Variants in ZNF84 observed in about 807,000 individuals in gnomAD.
ZNF84 encodes zinc finger protein HPF2.
In ZNF84, 12 loss-of-function variants were observed where a neutral mutation model predicts 14.8. The ratio of observed to expected loss-of-function variants is 0.81; its 90% CI spans 0.52 to 1.31. The LOEUF is 1.31. ZNF84 is among the 50% of genes most tolerant of loss of function. The pLI, the probability that ZNF84 is intolerant of heterozygous loss-of-function variation, is 0.00. For missense variants in ZNF84, 859 were observed against 878.6 expected, an observed-to-expected ratio of 0.98 and a Z score of 0.28; for synonymous variants, 347 against 291.1, an observed-to-expected ratio of 1.19 and a Z score of -1.96.
rs1214508426 is a variant in ZNF84 at position 133,057,526 on chromosome 12, G to A, written c.811G>A (p.Ala271Thr). 3 of 1,614,202 alleles carry A rather than the reference G, an allele frequency of 1.9e-6. No individual in the cohort carries two copies. The highest frequency in any genetic ancestry group is 1.7e-6 in the Non-Finnish European group (2 of 1,180,038). ...KPYNCSQCGK[A>T]FSQKSQLTSH... ...TTATAATTGTAGCCAGTGTGGGAAA[G>A]CCTTCTCCCAAAAGTCACAGCTCAC... is the stretch of plus-strand genomic sequence containing the variant. Residue 271 changes from alanine to threonine, a missense_variant, in exon 5 of 5, where the codon GCC becomes ACC. Physicochemically the swap from Ala to Thr is moderately conservative, Grantham distance 58 (BLOSUM62 0). Transcript: ENST00000539354.
chr12:133,053,151 T>C (rs1179002252), intron 4 of ZNF84, among the ~76,000 whole-genome samples: 2 of 152,176 alleles, frequency 1.3e-5, no homozygotes, highest in African/African-American at 4.8e-5. Context: ...GGATATTTCA[T>C]TGAGGTAATG....
chr12:133,058,154 C>G lies in ZNF84; in HGVS notation c.1439C>G (p.Thr480Ser), dbSNP rs1954195318. The change falls in exon 5 of 5, where the codon ACT (threonine) becomes AGT (serine). Residue 480 changes from threonine to serine, a missense_variant. By Grantham distance (58) the Thr-to-Ser change is moderately conservative. Coordinates refer to ENST00000539354, the MANE Select transcript of ZNF84 (RefSeq NM_001289971.2). ...TCACAGCTCGTTAGACATCAGAGAACTCATACGGGAGAAAAACCGTATGAA... is the reference window on the plus strand; with the variant it reads ...TCACAGCTCGTTAGACATCAGAGAAGTCATACGGGAGAAAAACCGTATGAA... ...RKSQLVRHQR[T>S]HTGEKPYECS... 2.5e-6 allele frequency: 4 copies of G among 1,613,824 alleles called. No homozygotes were observed. In the Admixed American group the frequency reaches 6.7e-5, roughly 27 times the overall value.
In ZNF84 at chr12:133,058,387, C is replaced by G. The variant is rs1368555698; in HGVS notation, c.1672C>G (p.Leu558Val). Residue 558 changes from leucine to valine, a missense_variant, in exon 5 of 5, where the codon CTT becomes GTT. By Grantham distance (32) the Leu-to-Val change is conservative. Transcript: ENST00000539354. Reference protein sequence around the residue: ...CGKAFGEKSSLATHQRTHTGE... With the variant: ...CGKAFGEKSSVATHQRTHTGE... ...GAAGGCCTTTGGTGAGAAGTCAAGTCTTGCAACTCATCAGAGAACTCATAC... is the reference window on the plus strand; with the variant it reads ...GAAGGCCTTTGGTGAGAAGTCAAGTGTTGCAACTCATCAGAGAACTCATAC... 7.4e-6 allele frequency: 12 copies of G among 1,613,912 alleles called. No homozygotes were observed. In the East Asian group the frequency reaches 2.7e-4, roughly 36 times the overall value.
rs926614345 is a variant in ZNF84, at chr12:133,062,874, T to C, written c.*3942T>C. 16 of 532,750 alleles carry C rather than the reference T, an allele frequency of 3.0e-5. No homozygotes were observed. Among genetic ancestry groups the C allele is most frequent in the African/African-American group, 3.8e-5 (2 of 53,132 alleles). The allele number at this position is 532,750 out of a possible 1,614,324, so 33.0% of individuals were successfully genotyped here. On this transcript the variant is annotated 3_prime_UTR_variant, in exon 5 of 5. Transcript: ENST00000539354. ...TCCTTGAGATTTCTATTATCACTTA[T>C]GTTTTTGCAAATCTGCAATTGAAAT...
Position 133,057,091 on chromosome 12 carries a change from TCAAA to T in ZNF84, c.379_382del (p.Asn127ValfsTer5). 6.2e-7 allele frequency: 1 copy of T among 1,613,552 alleles called. No individual in the cohort carries two copies. The highest frequency in any genetic ancestry group is 8.5e-7 in the Non-Finnish European group (1 of 1,179,886). On this transcript the variant is annotated frameshift_variant, in exon 5 of 5. Transcript: ENST00000539354. LOFTEE classifies it low-confidence loss of function (END_TRUNC). ...CATGAACTTTGTTCCTTTAAGGAAA[TCAAA>T]CAGTGAAGGTGACTTAGATGGATTG... is the stretch of plus-strand genomic sequence containing the variant.
intron 4 of ZNF84, chr12:133,050,643 T>A (rs1954054465): frequency 2.5e-6 from 1 of 398,260 alleles, no homozygotes; most frequent in African/African-American, 2.1e-5. Flanking sequence ...TCTTGAACTT[T>A]TGATGGTATT....
intron 4 of ZNF84, among the ~76,000 whole-genome samples, chr12:133,054,164 T>C (rs1015399401): frequency 1.1e-4 from 17 of 152,148 alleles, no homozygotes; most frequent in African/African-American, 4.1e-4. Flanking sequence ...GGAGAATTGC[T>C]TGAGCCCAGG....
At chr12:133,049,435 T>C (rs1008759151) in intron 4 of ZNF84, among the ~76,000 whole-genome samples, 9 of 152,200 alleles carry the variant, frequency 5.9e-5, no homozygotes, top group Admixed American at 4.6e-4. Flanking sequence ...TGTGTTTTTT[T>C]CTATAGATTA....
intron 4 of ZNF84, among the ~76,000 whole-genome samples, chr12:133,053,734 C>T (rs1322504850): frequency 6.6e-6 from 1 of 152,080 alleles, no homozygotes; most frequent in East Asian, 1.9e-4. Context: ...CAGGGCAATA[C>T]CCTGTCTCAA....
At chr12:133,042,433 G>T (rs6560918) in intron 2 of ZNF84, among the ~76,000 whole-genome samples, 65,394 of 151,982 alleles carry the variant, frequency 0.43, 14,425 homozygotes, top group African/African-American at 0.49. Flanking sequence ...GTGGTAACTT[G>T]TATTACACTA....
At chr12:133,046,260 A>G (rs1344060395) in intron 2 of ZNF84, among the ~76,000 whole-genome samples, 5 of 151,164 alleles carry the variant, frequency 3.3e-5, no homozygotes, top group African/African-American at 1.2e-4. Flanking sequence ...ATTCTGCCCC[A>G]GCCCCACTGT....
In ZNF84 at chr12:133,061,165, C is replaced by T. The variant is rs1436257152; in HGVS notation, c.*2233C>T. 6.6e-6 allele frequency: 1 copy of T among 152,184 alleles called. No individual in the cohort carries two copies. The highest frequency in any genetic ancestry group is 1.5e-5 in the Non-Finnish European group (1 of 68,044). 9.4% of individuals were successfully genotyped at this position (152,184 alleles called of 1,614,324 possible). ...TTAATTTTCCAACTTTTTGTTCATA[C>T]TCAAGTGTATGAACTTCCTGGCTGG... On this transcript the variant is annotated 3_prime_UTR_variant, in exon 5 of 5. Coordinates refer to ENST00000539354, the MANE Select transcript of ZNF84 (RefSeq NM_001289971.2).
At chr12:133,049,385 C>T (rs1447755995) in intron 4 of ZNF84, among the ~76,000 whole-genome samples, 5 of 152,148 alleles carry the variant, frequency 3.3e-5, no homozygotes, top group Non-Finnish European at 7.4e-5. Context: ...CGTCATTTCT[C>T]CCAATTTATC....
intron 2 of ZNF84, among the ~76,000 whole-genome samples, chr12:133,047,273 A>G (rs1215794753): frequency 6.6e-6 from 1 of 152,112 alleles, no homozygotes; most frequent in Non-Finnish European, 1.5e-5. Flanking sequence ...CCCTACAGGT[A>G]GAGCTTGGGA....
intron 2 of ZNF84, among the ~76,000 whole-genome samples, chr12:133,043,317 C>T (rs1277539755): frequency 1.3e-5 from 2 of 152,204 alleles, no homozygotes; most frequent in Admixed American, 6.5e-5. Context: ...GGCGCACGCT[C>T]CCACGCCTGG....
chr12:133,053,515 G>A (rs1394436472), intron 4 of ZNF84, among the ~76,000 whole-genome samples: 4 of 152,102 alleles, frequency 2.6e-5, no homozygotes, highest in African/African-American at 9.7e-5. Context: ...TGAAGTGGAA[G>A]GACTACTTGA....
chr12:133,048,086 TA>T lies in ZNF84; in HGVS notation c.142+9del. The T allele has an allele frequency of 3.7e-6, 6 of 1,613,006 alleles. No individual in the cohort carries two copies. Among genetic ancestry groups the T allele is most frequent in the Non-Finnish European group, 5.1e-6 (6 of 1,179,304 alleles). ...ATAGCAGCCTAGTGTCACTGGGTAA[TA>T]AAAGCTTTCTTGAGGACCTTGGACT... On this transcript the variant is annotated splice_donor_region_variant and intron_variant, in intron 3 of 4. Coordinates refer to ENST00000539354, the MANE Select transcript of ZNF84 (RefSeq NM_001289971.2).
intron 4 of ZNF84, among the ~76,000 whole-genome samples, chr12:133,056,404 C>T (rs1056989989): frequency 6.6e-6 from 1 of 152,056 alleles, no homozygotes; most frequent in Non-Finnish European, 1.5e-5. Flanking sequence ...CAGGCGCCCA[C>T]CACCACACCC....
rs1344119848 is a variant in ZNF84 at position 133,060,443 on chromosome 12, A to G, written c.*1511A>G. ...CTCCCAATAAACCCATTGTAAGTTGAAAACATTGTAAGTCAAAAATGCATT... is the reference window on the plus strand; with the variant it reads ...CTCCCAATAAACCCATTGTAAGTTGGAAACATTGTAAGTCAAAAATGCATT... On this transcript the variant is annotated 3_prime_UTR_variant, in exon 5 of 5. Transcript: ENST00000539354. 1.3e-5 allele frequency: 2 copies of G among 152,330 alleles called. No homozygotes were observed. Among genetic ancestry groups the G allele is most frequent in the East Asian group, 3.9e-4 (2 of 5,190 alleles). The allele number at this position is 152,330 out of a possible 1,614,324, so 9.4% of individuals were successfully genotyped here.
Sources: allele counts gnomAD v4.1 joint callset (sites outside exome capture counted in the v4.1 genomes callset), GRCh38; gene constraint gnomAD v4.1.1; transcripts MANE v1.5; gene names NCBI Gene and HGNC (gene_info 2026-07-23, HGNC 2026-07-21).